Variants in FBXL17 observed in about 807,000 individuals in gnomAD.
FBXL17 encodes the protein F-box/LRR-repeat protein 17.
FBXL17 carries 22 observed loss-of-function variants against 66.2 expected under a neutral mutation model. The ratio of observed to expected loss-of-function variants is 0.33; its 90% CI spans 0.24 to 0.47. The LOEUF is 0.47. FBXL17 is among the 20% of genes least tolerant of loss of function. The pLI is 1.00. For missense variants in FBXL17, 878 were observed against 948.2 expected (o/e 0.93, Z 0.97); for synonymous variants, 474 against 400.5 (o/e 1.18, Z -2.19).
At chr5:107,956,907 C>T (rs1337758037) in intron 7 of FBXL17, among the ~76,000 whole-genome samples, 1 of 152,114 alleles carries the variant, frequency 6.6e-6, no homozygotes, top group Non-Finnish European at 1.5e-5. Context: ...AAAGAACTTG[C>T]TTCAAAATAA....
chr5:108,007,887 C>T (rs1248257720), intron 7 of FBXL17, among the ~76,000 whole-genome samples: 1 of 152,146 alleles, frequency 6.6e-6, no homozygotes, highest in African/African-American at 2.4e-5. Context: ...TCCTCAAGGA[C>T]CTCCTCCAGC....
chr5:108,103,446 T>C (rs1400106780), intron 6 of FBXL17, among the ~76,000 whole-genome samples: 1 of 152,212 alleles, frequency 6.6e-6, no homozygotes, highest in Admixed American at 6.5e-5. Flanking sequence ...CTGTTAAAAA[T>C]AATCTTTTGG....
chr5:108,149,490 G>C (rs1285019898), intron 6 of FBXL17, among the ~76,000 whole-genome samples: 2 of 152,076 alleles, frequency 1.3e-5, no homozygotes, highest in African/African-American at 4.8e-5. Flanking sequence ...GTCTCACTTT[G>C]AAGTGTGTTA....
chr5:107,908,331 A>G (rs574861087), intron 7 of FBXL17, among the ~76,000 whole-genome samples: 66 of 152,304 alleles, frequency 4.3e-4, no homozygotes, highest in African/African-American at 1.4e-3. Context: ...TCTCACATGC[A>G]GAGAATCCAC....
At chr5:108,295,371 T>C (rs1215814003) in intron 4 of FBXL17, among the ~76,000 whole-genome samples, 2 of 151,908 alleles carry the variant, frequency 1.3e-5, no homozygotes. Context: ...ACATTACATG[T>C]ATATTAACAC....
In FBXL17 at chr5:108,013,898, T is replaced by G. The variant is rs554980156; in HGVS notation, c.1822+7027A>C. Among the ~76,000 whole-genome samples the G allele has an allele frequency of 2.6e-5, 4 of 152,264 alleles. No individual in the cohort carries two copies. The East Asian group carries it at 7.7e-4, about 29-fold the overall frequency. The stretch of plus-strand genomic sequence containing the variant: ...TCTATTTTCAAGAAGTTTTAAACAT[T>G]AGGAAGTCATTTCTTGTTTGGCATA... On this transcript the variant is annotated intron_variant, in intron 7 of 8. Transcript: ENST00000542267.
intron 7 of FBXL17, among the ~76,000 whole-genome samples, chr5:107,908,369 A>C (rs889332799): frequency 6.6e-6 from 1 of 152,306 alleles, no homozygotes; most frequent in African/African-American, 2.4e-5. Context: ...GATAATACAG[A>C]TCTACTAGGT....
At chr5:108,157,204 G>A (rs1752028201) in intron 6 of FBXL17, among the ~76,000 whole-genome samples, 2 of 147,742 alleles carry the variant, frequency 1.4e-5, no homozygotes. Flanking sequence ...AACTAGGCTA[G>A]GGAAAACATA....
At chr5:108,090,757 C>T (rs913602673) in intron 6 of FBXL17, among the ~76,000 whole-genome samples, 4 of 152,064 alleles carry the variant, frequency 2.6e-5, no homozygotes, top group South Asian at 2.1e-4. Context: ...CAAAAACAGG[C>T]GTTGGCCAGA....
chr5:108,125,066 T>C (rs1171323712), intron 6 of FBXL17, among the ~76,000 whole-genome samples: 1 of 152,004 alleles, frequency 6.6e-6, no homozygotes, highest in African/African-American at 2.4e-5. Context: ...TGGCTAACAC[T>C]ACTTCTCCTT....
intron 6 of FBXL17, among the ~76,000 whole-genome samples, chr5:108,072,923 A>G (rs889924068): frequency 4.7e-4 from 71 of 152,358 alleles, no homozygotes; most frequent in African/African-American, 1.6e-3. Flanking sequence ...TAAATCTGAG[A>G]TGAAAAAGAT....
intron 5 of FBXL17, among the ~76,000 whole-genome samples, chr5:108,204,147 A>G (rs1254509951): frequency 6.6e-6 from 1 of 152,096 alleles, no homozygotes; most frequent in Non-Finnish European, 1.5e-5. Context: ...TAAATATTAT[A>G]AATATAAATA....
intron 8 of FBXL17, among the ~76,000 whole-genome samples, chr5:107,867,326 T>G (rs1343957968): frequency 6.6e-6 from 1 of 152,240 alleles, no homozygotes; most frequent in Non-Finnish European, 1.5e-5. Flanking sequence ...TAACAAGTTT[T>G]GCTGGGTCAT....
chr5:108,181,489 A>G (rs546338797), intron 6 of FBXL17, among the ~76,000 whole-genome samples: 9 of 152,244 alleles, frequency 5.9e-5, no homozygotes, highest in Non-Finnish European at 1.2e-4. Flanking sequence ...AGTCACAGAG[A>G]TCAATTCAAG....
At chr5:108,280,493 T>G (rs1757658187) in intron 4 of FBXL17, among the ~76,000 whole-genome samples, 1 of 151,446 alleles carries the variant, frequency 6.6e-6, no homozygotes, top group Non-Finnish European at 1.5e-5. Context: ...ACATTAACCA[T>G]CATAAAAACA....
chr5:108,186,683 T>C (rs1753248753), intron 5 of FBXL17, among the ~76,000 whole-genome samples: 1 of 151,798 alleles, frequency 6.6e-6, no homozygotes, highest in Non-Finnish European at 1.5e-5. Flanking sequence ...GGCAGGGGAA[T>C]TCTTGAACCC....
At chr5:107,925,163 A>G (rs1474624005) in intron 7 of FBXL17, among the ~76,000 whole-genome samples, 2 of 152,344 alleles carry the variant, frequency 1.3e-5, no homozygotes, top group South Asian at 2.1e-4. Flanking sequence ...AATGTTCCTC[A>G]GTGCCAAACA....
At chr5:107,971,373 C>T (rs997125302) in intron 7 of FBXL17, among the ~76,000 whole-genome samples, 7 of 152,176 alleles carry the variant, frequency 4.6e-5, no homozygotes, top group African/African-American at 7.2e-5. Context: ...AACTTCCACA[C>T]GTAAACTTAA....
intron 7 of FBXL17, among the ~76,000 whole-genome samples, chr5:108,006,310 G>C (rs1049660629): frequency 1.3e-5 from 2 of 152,146 alleles, no homozygotes; most frequent in Non-Finnish European, 2.9e-5. Flanking sequence ...GACAAATAGC[G>C]GATACAGTTA....
Sources: allele counts gnomAD v4.1 joint callset (sites outside exome capture counted in the v4.1 genomes callset), GRCh38; gene constraint gnomAD v4.1.1; transcripts MANE v1.5; gene names NCBI Gene and HGNC (gene_info 2026-07-23, HGNC 2026-07-21).